Variants in C1QTNF3 observed in about 807,000 individuals in gnomAD.
The protein encoded by C1QTNF3 is C1q and TNF related 3, also known as complement C1q tumor necrosis factor-related protein 3.
Under a neutral mutation model 32.6 loss-of-function variants are expected in C1QTNF3, and 26 were observed. The ratio of observed to expected loss-of-function variants is 0.80; its 90% CI spans 0.58 to 1.11. The LOEUF is 1.11. Among genes scored for constraint, C1QTNF3 ranks in the 50% least tolerant of loss-of-function variants. The pLI, the probability that C1QTNF3 is intolerant of heterozygous loss-of-function variation, is 0.00. For synonymous variants in C1QTNF3, 155 were observed against 146.0 expected (o/e 1.06, Z -0.44); for missense variants, 362 against 398.2 (o/e 0.91, Z 0.77).
At chr5:34,228,910 G>A in the C1QTNF3 span, among the ~76,000 whole-genome samples, 1 of 149,894 alleles carries the variant, frequency 6.7e-6, no homozygotes, top group South Asian at 2.1e-4. Context: ...TAAACATGCA[G>A]TTGAATCAGT....
upstream of C1QTNF3, among the ~76,000 whole-genome samples, chr5:34,044,264 T>A: frequency 6.6e-6 from 1 of 152,148 alleles, no homozygotes; most frequent in East Asian, 1.9e-4. Context: ...ATTTAAACAG[T>A]TTTGTCATCA....
At chr5:34,212,275 A>T in the C1QTNF3 span, among the ~76,000 whole-genome samples, 1 of 152,048 alleles carries the variant, frequency 6.6e-6, no homozygotes, top group African/African-American at 2.4e-5. Context: ...AAAGACTTAA[A>T]CGTTAGACCT....
chr5:34,217,664 T>C, the C1QTNF3 span, among the ~76,000 whole-genome samples: 6 of 152,176 alleles, frequency 3.9e-5, no homozygotes, highest in African/African-American at 1.4e-4. Flanking sequence ...TGTGGTATTG[T>C]GCACAGCTAA....
At chr5:34,139,880 A>C in the C1QTNF3 span, among the ~76,000 whole-genome samples, 1 of 152,242 alleles carries the variant, frequency 6.6e-6, no homozygotes, top group African/African-American at 2.4e-5. Context: ...TCTGGTCAGA[A>C]AATGAGCAAA....
the C1QTNF3 span, among the ~76,000 whole-genome samples, chr5:34,201,605 G>A: frequency 6.6e-6 from 1 of 152,084 alleles, no homozygotes; most frequent in African/African-American, 2.4e-5. Flanking sequence ...CTTAGATGGT[G>A]CTAAAATTGC....
At chr5:34,154,986 T>A in the C1QTNF3 span, among the ~76,000 whole-genome samples, 2 of 152,200 alleles carry the variant, frequency 1.3e-5, no homozygotes, top group Admixed American at 6.5e-5. Context: ...TCCTAACACA[T>A]TGCTATGGTC....
At chr5:34,215,139 G>A in the C1QTNF3 span, among the ~76,000 whole-genome samples, 1 of 152,164 alleles carries the variant, frequency 6.6e-6, no homozygotes, top group Non-Finnish European at 1.5e-5. Context: ...AATCAGTACA[G>A]TAAAGAATAT....
At chr5:34,164,981 T>A in the C1QTNF3 span, 2 of 152,006 alleles carry the variant, frequency 1.3e-5, no homozygotes, top group Non-Finnish European at 2.9e-5. Context: ...AGTTAAAATA[T>A]TTAATAGAGG....
chr5:34,239,777 C>A, the C1QTNF3 span, among the ~76,000 whole-genome samples: 1 of 151,926 alleles, frequency 6.6e-6, no homozygotes, highest in Non-Finnish European at 1.5e-5. Context: ...CACACTTGAC[C>A]ATTTGGACCT....
the C1QTNF3 span, among the ~76,000 whole-genome samples, chr5:34,127,690 C>T: frequency 5.9e-5 from 9 of 151,304 alleles, no homozygotes; most frequent in South Asian, 2.1e-4. Context: ...CAGGTTCAAG[C>T]GATTCTCCTG....
chr5:34,127,610 C>T, the C1QTNF3 span, among the ~76,000 whole-genome samples: 796 of 144,052 alleles, frequency 5.5e-3, 18 homozygotes, highest in Admixed American at 0.04. Flanking sequence ...TTTTTTGAGA[C>T]GGAGTCTCGC....
At chr5:34,117,570 C>T in the C1QTNF3 span, among the ~76,000 whole-genome samples, 4 of 151,772 alleles carry the variant, frequency 2.6e-5, no homozygotes, top group South Asian at 2.1e-4. Flanking sequence ...CCGAGGTGGG[C>T]GGATCACTTG....
At chr5:34,238,949 C>T in the C1QTNF3 span, among the ~76,000 whole-genome samples, 1 of 152,090 alleles carries the variant, frequency 6.6e-6, no homozygotes, top group Non-Finnish European at 1.5e-5. Flanking sequence ...AATATCTCAG[C>T]AAAAACCTTA....
At chr5:34,042,686 T>G in intron 1 of C1QTNF3, 137 bp downstream of exon 1, 2 of 822,684 alleles carry the variant, frequency 2.4e-6, no homozygotes, top group South Asian at 3.6e-5. Flanking sequence ...AGAAAGAGAT[T>G]CACAAGCAGC....
chr5:34,084,560 C>T, the C1QTNF3 span, among the ~76,000 whole-genome samples: 3 of 151,346 alleles, frequency 2.0e-5, no homozygotes, highest in South Asian at 2.1e-4. Context: ...AATTGCATTG[C>T]GCCCCTCTGC....
At chr5:34,194,891 G>A in the C1QTNF3 span, among the ~76,000 whole-genome samples, 1 of 149,004 alleles carries the variant, frequency 6.7e-6, no homozygotes, top group Non-Finnish European at 1.5e-5. Flanking sequence ...TAAATGTCAT[G>A]CAAATAGTTA....
chr5:34,234,517 T>C, the C1QTNF3 span, among the ~76,000 whole-genome samples: 2 of 152,182 alleles, frequency 1.3e-5, no homozygotes, highest in Non-Finnish European at 2.9e-5. Context: ...GGATGTTTCA[T>C]GACGTGCAGT....
the C1QTNF3 span, among the ~76,000 whole-genome samples, chr5:34,219,628 C>T: frequency 6.4e-4 from 96 of 151,114 alleles, no homozygotes; most frequent in Non-Finnish European, 1.2e-3. Flanking sequence ...ACTACTACAA[C>T]TGTTTTTTAC....
chr5:34,204,061 T>C, the C1QTNF3 span, among the ~76,000 whole-genome samples: 1 of 151,684 alleles, frequency 6.6e-6, no homozygotes, highest in Non-Finnish European at 1.5e-5. Flanking sequence ...TAGACAGCAA[T>C]ACGGTAATAC....
Sources: gnomAD v4.1 joint callset for allele counts (sites outside exome capture counted in the v4.1 genomes callset) on GRCh38, gnomAD v4.1.1 for gene constraint, MANE v1.5 for transcripts, NCBI Gene and HGNC (gene_info 2026-07-23, HGNC 2026-07-21) for gene names.